The following NUP160 variants were observed in gnomAD, a reference collection of about 807,000 sequenced individuals.
NUP160 encodes nuclear pore complex protein Nup160.
A neutral mutation model predicts 196.9 loss-of-function variants in NUP160; 94 were observed. The observed-to-expected ratio is 0.48, with a 90% CI of 0.40 to 0.57. NUP160 has a LOEUF of 0.57. Ranked by LOEUF, NUP160 falls within the 20% of genes least tolerant of loss-of-function variation. The pLI, the probability that NUP160 is intolerant of heterozygous loss-of-function variation, is 0.00. For missense variants in NUP160, 1,638 were observed against 1,748.3 expected (o/e 0.94, Z 1.13); for synonymous variants, 605 against 619.7 (o/e 0.98, Z 0.35).
At chr11:47,781,416 CCAT>C (rs1325684076) in intron 34 of NUP160, among the ~76,000 whole-genome samples, 3 of 151,902 alleles carry the variant, frequency 2.0e-5, no homozygotes, top group African/African-American at 7.3e-5. Context: ...GCACGCACCA[CCAT>C]GACCAGCTAA....
chr11:47,821,654 C>T, intron 9 of NUP160, 70 bp downstream of exon 9: 1 of 1,161,338 alleles, frequency 8.6e-7, no homozygotes, highest in Non-Finnish European at 1.3e-6. Flanking sequence ...GACACGGCGC[C>T]CGGCCTCTCG....
chr11:47,824,064 T>G (rs901371175), intron 7 of NUP160, among the ~76,000 whole-genome samples: 13 of 122,426 alleles, frequency 1.1e-4, no homozygotes, highest in East Asian at 7.7e-4. Flanking sequence ...CACACACACA[T>G]AGAAGTGGAA....
chr11:47,786,536 A>G, exon 32 of NUP160: 2 of 1,613,336 alleles, frequency 1.2e-6, no homozygotes, highest in South Asian at 2.2e-5. Context: ...CCTCTCCTCC[A>G]AATTGCAATT....
chr11:47,827,672 C>T lies in NUP160; in HGVS notation c.1102-5508G>A, dbSNP rs538651527. ...CAATGAGCTGAGAGTGCATTCACTG[C>T]GCTCCAGCCTGAGTGACAGAGTGAA... On this transcript the variant is annotated intron_variant, in intron 7 of 35. Transcript: ENST00000378460. 6.6e-5 allele frequency among the ~76,000 whole-genome samples: 10 copies of T among 151,616 alleles called. No individual in the cohort carries two copies. The East Asian group carries it at 1.2e-3, about 18-fold the overall frequency.
intron 2 of NUP160, among the ~76,000 whole-genome samples, chr11:47,844,393 C>A (rs1852361572): frequency 6.6e-6 from 1 of 152,208 alleles, no homozygotes; most frequent in African/African-American, 2.4e-5. Flanking sequence ...CTTAAAATAA[C>A]CAACAAAGCC....
intron 19 of NUP160, 66 bp downstream of exon 19, chr11:47,807,004 C>A: frequency 8.4e-7 from 1 of 1,194,356 alleles, no homozygotes; most frequent in Non-Finnish European, 1.2e-6. Flanking sequence ...TGGCAAAAGA[C>A]CACTTTAATG....
At chr11:47,816,835 G>C (rs1260894877) in intron 11 of NUP160, among the ~76,000 whole-genome samples, 2 of 151,694 alleles carry the variant, frequency 1.3e-5, no homozygotes, top group African/African-American at 4.8e-5. Flanking sequence ...ATAGAGATGG[G>C]AATCTTGCCA....
At chr11:47,798,894 T>C (rs1275564741) in intron 23 of NUP160, among the ~76,000 whole-genome samples, 1 of 148,668 alleles carries the variant, frequency 6.7e-6, no homozygotes, top group East Asian at 2.0e-4. Context: ...GTCTGGTGGC[T>C]CACACCTGTC....
At chr11:47,801,236 T>C (rs887924600) in intron 23 of NUP160, among the ~76,000 whole-genome samples, 1 of 152,234 alleles carries the variant, frequency 6.6e-6, no homozygotes, top group African/African-American at 2.4e-5. Context: ...ACTGGGCTAA[T>C]AAAATACCAT....
At chr11:47,812,190 C>A (rs751430391) in exon 17 of NUP160, 2 of 1,613,994 alleles carry the variant, frequency 1.2e-6, no homozygotes, top group African/African-American at 2.7e-5. Flanking sequence ...TACCATAGAG[C>A]TGGGTAAGAT....
intron 7 of NUP160, among the ~76,000 whole-genome samples, chr11:47,834,968 T>C (rs771470464): frequency 1.3e-5 from 2 of 151,698 alleles, no homozygotes; most frequent in African/African-American, 4.8e-5. Flanking sequence ...GGCACCCACA[T>C]TGGAGGAGCA....
chr11:47,786,525 G>C (rs1270345637), exon 32 of NUP160: 2 of 1,613,524 alleles, frequency 1.2e-6, no homozygotes, highest in African/African-American at 2.7e-5. Context: ...TGCTTGTGCT[G>C]CCTCTCCTCC....
chr11:47,781,366 G>A (rs145461157), intron 34 of NUP160, among the ~76,000 whole-genome samples: 351 of 151,626 alleles, frequency 2.3e-3, no homozygotes, highest in Middle Eastern at 0.014. Flanking sequence ...GGGCTCATGT[G>A]ATCCTCCCAC....
exon 16 of NUP160, chr11:47,812,423 A>G: frequency 6.2e-7 from 1 of 1,612,562 alleles, no homozygotes; most frequent in South Asian, 1.1e-5. Flanking sequence ...CCTCCATCAC[A>G]TTTTCTCTAT....
intron 17 of NUP160, 24 bp downstream of exon 17, chr11:47,812,040 A>G (rs753318841): frequency 1.1e-5 from 17 of 1,612,396 alleles, no homozygotes; most frequent in East Asian, 4.5e-5. Context: ...AGATTTTACA[A>G]GTTTTCCCTC....
chr11:47,780,193 T>C, intron 35 of NUP160, 150 bp downstream of exon 35: 1 of 578,514 alleles, frequency 1.7e-6, no homozygotes, highest in East Asian at 3.0e-5. Context: ...ATCCTCTGCC[T>C]TATCTATAAA....
At position 47,794,794 on chromosome 11, in the gene NUP160, C is replaced by A. The variant is rs192048481; in HGVS notation, c.3290-1848G>T. ...GAGCGTGGTGGTGCATGCCTGCAGTCCCAGCTACTCAGGAGTCTGAGGCAG... is the reference window on the plus strand; with the variant it reads ...GAGCGTGGTGGTGCATGCCTGCAGTACCAGCTACTCAGGAGTCTGAGGCAG... On this transcript the variant is annotated intron_variant, in intron 27 of 35. Transcript: ENST00000378460. Among the ~76,000 whole-genome samples the A allele has an allele frequency of 8.0e-3, 1,215 of 151,758 alleles. 18 individuals carry two copies. The highest frequency in any genetic ancestry group is 0.027 in the African/African-American group (1,131 of 41,404).
intron 7 of NUP160, among the ~76,000 whole-genome samples, chr11:47,833,407 G>A (rs1043335873): frequency 6.6e-6 from 1 of 151,108 alleles, no homozygotes. Flanking sequence ...GTCAGTTGAG[G>A]TCACGCTACT....
Position 47,814,613 on chromosome 11 carries a change from C to CTA in NUP160, c.1686+864_1686+865dup, listed in dbSNP as rs140085243. Among the ~76,000 whole-genome samples the CTA allele has an allele frequency of 2.0e-3, 302 of 148,490 alleles. 1 individual carries two copies. Among genetic ancestry groups the CTA allele is most frequent in the Admixed American group, 4.5e-3 (67 of 14,754 alleles). ...ACAATTGGCAAAATCTGAATATAAA[C>CTA]TATATATATATATATGTTATATTTG... On this transcript the variant is annotated intron_variant, in intron 13 of 35. Transcript: ENST00000378460.
Sources: allele counts gnomAD v4.1 joint callset (sites outside exome capture counted in the v4.1 genomes callset), GRCh38; gene constraint gnomAD v4.1.1; transcripts MANE v1.5; gene names NCBI Gene and HGNC (gene_info 2026-07-23, HGNC 2026-07-21).